SRRM2: variants seen among roughly 807,000 people sequenced by gnomAD.
SRRM2 encodes serine/arginine repetitive matrix 2, also known as serine/arginine repetitive matrix protein 2.
SRRM2 carries 30 observed loss-of-function variants against 213.8 expected under a neutral mutation model. The observed-to-expected ratio is 0.14, with a 90% CI of 0.10 to 0.19. SRRM2 has a LOEUF of 0.19. Among genes scored for constraint, SRRM2 ranks in the 10% least tolerant of loss-of-function variants. The pLI is 1.00. For synonymous variants in SRRM2, 2,025 were observed against 1,377.7 expected, an observed-to-expected ratio of 1.47 and a Z score of -10.40; for missense variants, 4,904 against 3,647.0, an observed-to-expected ratio of 1.34 and a Z score of -8.88.
chr16:2,757,898 T>C lies in SRRM2; in HGVS notation c.468T>C (p.Arg156=), dbSNP rs377309191. The C allele has an allele frequency of 1.4e-4, 220 of 1,614,106 alleles. No homozygotes were observed. The highest frequency in any genetic ancestry group is 4.5e-4 in the Admixed American group (27 of 60,008). ...VDGSSFDPQR[R]AREAKQPAPE... ...GCAGCTCTTTTGATCCTCAGCGTCG[T>C]GCCCGAGAAGCTAAACAACCAGCTC... Residue 156 remains arginine, a synonymous_variant, in exon 4 of 15, where the codon CGT becomes CGC. Coordinates refer to ENST00000301740, the MANE Select transcript of SRRM2 (RefSeq NM_016333.4).
chr16:2,763,977 C>G lies in SRRM2; in HGVS notation c.3449C>G (p.Ser1150Trp). ...TCTTCTTCATATCCTACAGTGGACT[C>G]GAATTCTCTCTTGGGGCAGAGTAGA... ...SDSSSYPTVD[S>W]NSLLGQSRLE... The change falls in exon 11 of 15, where the codon TCG becomes TGG. Residue 1150 changes from serine (S) to tryptophan (W), a missense_variant. Transcript: ENST00000301740. 1 of 1,614,178 alleles carries G rather than the reference C, an allele frequency of 6.2e-7. No individual in the cohort carries two copies. Among genetic ancestry groups the G allele is most frequent in the Non-Finnish European group, 8.5e-7 (1 of 1,180,034 alleles).
chr16:2,764,067 C>G lies in SRRM2; in HGVS notation c.3539C>G (p.Pro1180Arg). Residue 1180 changes from proline (P) to arginine (R), a missense_variant, in exon 11 of 15, where the codon CCT becomes CGT. Coordinates refer to ENST00000301740, the MANE Select transcript of SRRM2 (RefSeq NM_016333.4). ...CCTCAGGAGGATGCTACTGCATCAC[C>G]TCCTAGACAGAAAGACAAATTTAGT... is the stretch of plus-strand genomic sequence containing the variant. The part of the protein sequence containing the change: ...LPPQEDATAS[P>R]PRQKDKFSPF... 3 of 1,614,092 alleles carry G rather than the reference C, an allele frequency of 1.9e-6. No homozygotes were observed. The highest frequency in any genetic ancestry group is 2.5e-6 in the Non-Finnish European group (3 of 1,180,012).
At position 2,766,080 on chromosome 16, in the gene SRRM2, G is replaced by A. The variant is rs200772805; in HGVS notation, c.5552G>A (p.Arg1851His). The A allele has an allele frequency of 1.7e-5, 27 of 1,614,016 alleles. No individual in the cohort carries two copies. Among genetic ancestry groups the A allele is most frequent in the East Asian group, 1.6e-4 (7 of 44,878 alleles). The change falls in exon 11 of 15, where the codon CGT (arginine) becomes CAT (histidine). Residue 1851 changes from arginine to histidine, a missense_variant. Transcript: ENST00000301740. This position sits in a 1 kb window ranked among gnomAD's most constrained non-coding sequence, Gnocchi z 7.0. ...CGGACACCCCCAACCAGTCGGAAGC[G>A]TTCTCGCTCACGCACATCACCAGCC... is the stretch of plus-strand genomic sequence containing the variant. ...RSRTPPTSRK[R>H]SRSRTSPAPW...
At chr16:2,754,037 C>T (rs530938090) in intron 1 of SRRM2, among the ~76,000 whole-genome samples, 1 of 152,146 alleles carries the variant, frequency 6.6e-6, no homozygotes. Context: ...TTCCTTTGTA[C>T]TTTTTACTTT....
Position 2,764,044 on chromosome 16 carries a change from T to C in SRRM2, c.3516T>C (p.Pro1172=), listed in dbSNP as rs768401206. 5 of 1,614,000 alleles carry C rather than the reference T, an allele frequency of 3.1e-6. No individual in the cohort carries two copies. The African/African-American group carries it at 6.7e-5, about 22-fold the overall frequency. ...CAAAAGAGAAAATGGCCTTACCCCCTCAGGAGGATGCTACTGCATCACCTC... is the reference window on the plus strand; with the variant it reads ...CAAAAGAGAAAATGGCCTTACCCCCCCAGGAGGATGCTACTGCATCACCTC... ...AESKEKMALP[P]QEDATASPPR... The change falls in exon 11 of 15, where the codon CCT becomes CCC. Residue 1172 remains proline (P), a synonymous_variant. Transcript: ENST00000301740.
At position 2,764,966 on chromosome 16, in the gene SRRM2, T is replaced by C. The variant is rs1395738733; in HGVS notation, c.4438T>C (p.Cys1480Arg). Reference protein sequence around the residue: ...PRTPSRGRSECDSSPEPKALP... With the variant: ...PRTPSRGRSERDSSPEPKALP... The stretch of plus-strand genomic sequence containing the variant: ...AACGCCATCTAGAGGGAGAAGCGAA[T>C]GTGATTCTTCCCCAGAACCGAAAGC... The change falls in exon 11 of 15, where the codon TGT becomes CGT. Residue 1480 changes from cysteine (C) to arginine (R), a missense_variant. By Grantham distance (180) the Cys-to-Arg change is radical (BLOSUM62 -3). Coordinates refer to ENST00000301740, the MANE Select transcript of SRRM2 (RefSeq NM_016333.4). The C allele has an allele frequency of 6.2e-7, 1 of 1,614,094 alleles. No individual in the cohort carries two copies. Among genetic ancestry groups the C allele is most frequent in the Admixed American group, 1.7e-5 (1 of 60,022 alleles).
intron 10 of SRRM2, chr16:2,760,711 G>A: frequency 1.8e-6 from 1 of 570,424 alleles, no homozygotes; most frequent in East Asian, 3.0e-5. Flanking sequence ...AATCTCACTG[G>A]ATGTTAGGTT....
chr16:2,762,071 A>G lies in SRRM2; in HGVS notation c.1543A>G (p.Arg515Gly). Residue 515 changes from arginine to glycine, a missense_variant, in exon 11 of 15, where the codon AGG becomes GGG. Physicochemically the swap from Arg to Gly is moderately radical, Grantham distance 125 (BLOSUM62 -2). Transcript: ENST00000301740. ...TCGATCCCGATCTCCCCAGTGGCGT[A>G]GGTCCAGGTCTGCACAGAGGTGGGG... ...HSRSRSPQWRRSRSAQRWGRS... is the reference protein window; with the variant it reads ...HSRSRSPQWRGSRSAQRWGRS... The G allele has an allele frequency of 6.2e-7, 1 of 1,614,240 alleles. No individual in the cohort carries two copies.
chr16:2,758,113 G>A (rs879874530), intron 4 of SRRM2, among the ~76,000 whole-genome samples, 168 bp downstream of exon 4: 3 of 152,156 alleles, frequency 2.0e-5, no homozygotes, highest in Admixed American at 6.5e-5. Flanking sequence ...AGTGGGTCAC[G>A]CGCGTAATCC....
Position 2,761,572 on chromosome 16 carries a change from T to C in SRRM2, c.1044T>C (p.Thr348=), listed in dbSNP as rs1323576389. The C allele has an allele frequency of 1.3e-6, 2 of 1,503,674 alleles. No individual in the cohort carries two copies. The highest frequency in any genetic ancestry group is 2.8e-5 in the South Asian group (2 of 72,376). The allele number at this position is 1,503,674 out of a possible 1,614,324, so 93.1% of individuals were successfully genotyped here. ...KDKDKKEKSA[T]RPSPSPERSS... ...TCTTCCACTCTTAGAAATCTGCAAC[T>C]CGACCTAGCCCCTCTCCGGAAAGGA... The change falls in exon 11 of 15, where the codon ACT becomes ACC. Residue 348 remains threonine (T), a synonymous_variant. Coordinates refer to ENST00000301740, the MANE Select transcript of SRRM2 (RefSeq NM_016333.4).
intron 1 of SRRM2, among the ~76,000 whole-genome samples, chr16:2,754,502 G>A (rs1322530558): frequency 6.6e-6 from 1 of 152,162 alleles, no homozygotes; most frequent in East Asian, 1.9e-4. Context: ...GTGTTGGCCA[G>A]GCTGGTGTCA....
intron 1 of SRRM2, among the ~76,000 whole-genome samples, chr16:2,755,685 T>C (rs1167999952): frequency 6.6e-6 from 1 of 152,230 alleles, no homozygotes; most frequent in Admixed American, 6.5e-5. Context: ...CCAAGGTTCA[T>C]GTGTGTTTCT....
At position 2,764,736 on chromosome 16, in the gene SRRM2, C is replaced by G. The variant is rs748026705; in HGVS notation, c.4208C>G (p.Ser1403Cys). ...KAGMSSNQSI[S>C]SPVLDAVPRT... ...GGGATGTCTTCAAATCAGAGCATCTCTTCACCTGTGCTTGATGCTGTACCC... is the reference window on the plus strand; with the variant it reads ...GGGATGTCTTCAAATCAGAGCATCTGTTCACCTGTGCTTGATGCTGTACCC... Residue 1403 changes from serine (S) to cysteine (C), a missense_variant, in exon 11 of 15, where the codon TCT (serine) becomes TGT (cysteine). Coordinates refer to ENST00000301740, the MANE Select transcript of SRRM2 (RefSeq NM_016333.4). The G allele has an allele frequency of 3.1e-6, 5 of 1,614,162 alleles. No individual in the cohort carries two copies. The Admixed American group carries it at 6.7e-5, about 22-fold the overall frequency.
intron 1 of SRRM2, among the ~76,000 whole-genome samples, chr16:2,754,347 C>T (rs916126900): frequency 6.6e-6 from 1 of 151,306 alleles, no homozygotes; most frequent in African/African-American, 2.4e-5. Flanking sequence ...GGCCGGAGTG[C>T]AGTGGCGCGA....
Position 2,766,987 on chromosome 16 carries a change from C to T in SRRM2, c.6459C>T (p.Gly2153=), listed in dbSNP as rs745881913. 1.6e-5 allele frequency: 26 copies of T among 1,614,048 alleles called. No homozygotes were observed. The highest frequency in any genetic ancestry group is 4.4e-5 in the South Asian group (4 of 91,090). The change falls in exon 11 of 15, where the codon GGC becomes GGT. Residue 2153 remains glycine, a synonymous_variant. Transcript: ENST00000301740. The surrounding 1 kb of genome is among the most constrained non-coding windows in gnomAD (Gnocchi z 7.0). The part of the protein sequence containing the change: ...RTPMSVLQQA[G]GSMMDGPGPR... ...CCATGTCTGTCCTGCAGCAAGCCGG[C>T]GGCTCCATGATGGATGGTCCAGGTC... is the stretch of plus-strand genomic sequence containing the variant.
Position 2,753,635 on chromosome 16 carries a change from TAA to T in SRRM2, c.-32+790_-32+791del, listed in dbSNP as rs2068027093. 2.0e-5 allele frequency: 3 copies of T among 152,310 alleles called. No individual in the cohort carries two copies. The South Asian group carries it at 6.2e-4, about 32-fold the overall frequency. The allele number at this position is 152,310 out of a possible 1,614,324, so 9.4% of individuals were successfully genotyped here. ...GGGAAGAAAACGCCAGACTCATATATAAGTTTTCTGGTTGGTTTCAGGCGTTC... is the reference window on the plus strand; with the variant it reads ...GGGAAGAAAACGCCAGACTCATATATGTTTTCTGGTTGGTTTCAGGCGTTC... On this transcript the variant is annotated intron_variant, in intron 1 of 14. Transcript: ENST00000301740.
intron 9 of SRRM2, chr16:2,760,006 G>A: frequency 1.8e-6 from 1 of 550,970 alleles, no homozygotes. Flanking sequence ...GGTGGGCTCA[G>A]AGGTGAGTTG....
chr16:2,752,984 A>G (rs1318175493), intron 1 of SRRM2, 138 bp downstream of exon 1: 1 of 151,116 alleles, frequency 6.6e-6, no homozygotes, highest in Admixed American at 6.6e-5. Flanking sequence ...GCTGGCGCGG[A>G]CGCCCTCGCC....
At position 2,763,632 on chromosome 16, in the gene SRRM2, T is replaced by A. The variant is rs779761150; in HGVS notation, c.3104T>A (p.Leu1035His). The change falls in exon 11 of 15, where the codon CTC (leucine) becomes CAC (histidine). Residue 1035 changes from leucine (L) to histidine (H), a missense_variant. Coordinates refer to ENST00000301740, the MANE Select transcript of SRRM2 (RefSeq NM_016333.4). ...LVQSCPGSLS[L>H]CAGVKSSTPP... ...CAAAGTTGCCCTGGATCCCTCTCTC[T>A]CTGTGCAGGAGTAAAATCTAGCACA... is the stretch of plus-strand genomic sequence containing the variant. 6.2e-7 allele frequency: 1 copy of A among 1,614,114 alleles called. No homozygotes were observed.
Sources: allele counts gnomAD v4.1 joint callset (sites outside exome capture counted in the v4.1 genomes callset), GRCh38; gene constraint gnomAD v4.1.1; non-coding constraint Gnocchi (gnomAD v3.1); transcripts MANE v1.5; gene names NCBI Gene and HGNC (gene_info 2026-07-23, HGNC 2026-07-21).